Variants in SEMA6D observed in about 807,000 individuals in gnomAD.
SEMA6D encodes the protein semaphorin-6D.
SEMA6D carries 35 observed loss-of-function variants against 106.6 expected under a neutral mutation model. The observed-to-expected ratio is 0.33, with a 90% confidence interval of 0.25 to 0.44. SEMA6D has a LOEUF of 0.44. SEMA6D is among the 20% of genes least tolerant of loss of function. SEMA6D has a pLI of 1.00. For missense variants in SEMA6D, 1,185 were observed against 1,345.9 expected, an observed-to-expected ratio of 0.88 and a Z score of 1.87; for synonymous variants, 499 against 487.7, an observed-to-expected ratio of 1.02 and a Z score of -0.31.
chr15:47,324,284 A>G (rs922709877), intron 1 of SEMA6D, among the ~76,000 whole-genome samples: 1 of 152,280 alleles, frequency 6.6e-6, no homozygotes, highest in Admixed American at 6.5e-5. Context: ...CTTTTTTACA[A>G]CTATGGACCT....
chr15:47,401,782 C>T (rs1238100097), intron 1 of SEMA6D, among the ~76,000 whole-genome samples: 1 of 152,152 alleles, frequency 6.6e-6, no homozygotes, highest in Non-Finnish European at 1.5e-5. Flanking sequence ...ATCAACTGTC[C>T]CCTCTGCTTT....
At chr15:47,642,798 A>C (rs976089042) in intron 4 of SEMA6D, among the ~76,000 whole-genome samples, 7 of 152,132 alleles carry the variant, frequency 4.6e-5, no homozygotes, top group Non-Finnish European at 1.0e-4. Flanking sequence ...GGGATGATGT[A>C]TGGTTTTATC....
At chr15:47,421,703 G>A (rs1227392760) in intron 2 of SEMA6D, among the ~76,000 whole-genome samples, 6 of 151,866 alleles carry the variant, frequency 4.0e-5, no homozygotes, top group Non-Finnish European at 5.9e-5. Context: ...TTTAGATAAG[G>A]GGGGATCAGA....
At position 47,615,903 on chromosome 15, in the gene SEMA6D, A is replaced by G. The variant is rs764009148; in HGVS notation, c.-55+15007A>G. Among the ~76,000 whole-genome samples the G allele has an allele frequency of 3.8e-4, 58 of 152,368 alleles. 1 individual carries two copies. The Middle Eastern group carries it at 0.014, about 36-fold the overall frequency. ...TTTTAAATCAAAAGTATACAGTGCC[A>G]TGAATTATCCAGTTACTGAAGAGCA... On this transcript the variant is annotated intron_variant, in intron 4 of 19. Transcript: ENST00000558014.
intron 3 of SEMA6D, among the ~76,000 whole-genome samples, chr15:47,471,914 C>CTG (rs1449747256): frequency 7.6e-6 from 1 of 131,982 alleles, no homozygotes; most frequent in Non-Finnish European, 1.6e-5. Context: ...TTCTCTCTCT[C>CTG]TCTCTCTCTC....
intron 4 of SEMA6D, among the ~76,000 whole-genome samples, chr15:47,613,520 T>C (rs12908370): frequency 0.32 from 49,240 of 152,128 alleles, 8,273 homozygotes; most frequent in East Asian, 0.51. Context: ...TAGGGTGAGA[T>C]ACTAAGATGA....
At chr15:47,266,172 C>A (rs1055139257) in intron 1 of SEMA6D, among the ~76,000 whole-genome samples, 1 of 152,124 alleles carries the variant, frequency 6.6e-6, no homozygotes, top group Non-Finnish European at 1.5e-5. Flanking sequence ...TTTTGCCTAT[C>A]TCTCCAATGA....
At chr15:47,308,397 A>G (rs1369566868) in intron 1 of SEMA6D, among the ~76,000 whole-genome samples, 2 of 152,206 alleles carry the variant, frequency 1.3e-5, no homozygotes, top group African/African-American at 4.8e-5. Context: ...TATATAGTAA[A>G]CATTCAATAA....
At chr15:47,664,357 G>T (rs1042492771) in intron 4 of SEMA6D, among the ~76,000 whole-genome samples, 2 of 152,036 alleles carry the variant, frequency 1.3e-5, no homozygotes, top group East Asian at 3.9e-4. Flanking sequence ...TATTTAATGA[G>T]CTCTTACCAC....
At chr15:47,491,409 A>G (rs1200107361) in intron 3 of SEMA6D, among the ~76,000 whole-genome samples, 3 of 152,242 alleles carry the variant, frequency 2.0e-5, no homozygotes, top group South Asian at 2.1e-4. Context: ...TCAGAGGACT[A>G]CATAGTTTGA....
chr15:47,479,217 C>T (rs1370824086), intron 3 of SEMA6D, among the ~76,000 whole-genome samples: 1 of 151,520 alleles, frequency 6.6e-6, no homozygotes, highest in Non-Finnish European at 1.5e-5. Flanking sequence ...GGGTTATATG[C>T]TCCTGGGGGA....
At chr15:47,277,541 G>A (rs1374622654) in intron 1 of SEMA6D, among the ~76,000 whole-genome samples, 3 of 150,736 alleles carry the variant, frequency 2.0e-5, no homozygotes, top group Non-Finnish European at 4.4e-5. Context: ...ATGGCCATTA[G>A]CATTTTTAGA....
At chr15:47,660,716 A>T (rs989842964) in intron 4 of SEMA6D, among the ~76,000 whole-genome samples, 2 of 152,244 alleles carry the variant, frequency 1.3e-5, no homozygotes, top group South Asian at 2.1e-4. Context: ...ACTATTTTTG[A>T]TATTAGAAGT....
At chr15:47,507,122 G>A (rs959670840) in intron 3 of SEMA6D, among the ~76,000 whole-genome samples, 1 of 152,224 alleles carries the variant, frequency 6.6e-6, no homozygotes, top group Non-Finnish European at 1.5e-5. Context: ...GGATTATGGA[G>A]CTGTCAGCCT....
chr15:47,511,880 G>GACAA (rs1175677779), intron 3 of SEMA6D, among the ~76,000 whole-genome samples: 1 of 152,116 alleles, frequency 6.6e-6, no homozygotes. Flanking sequence ...TCTGAAATGT[G>GACAA]CACTGCATCG....
intron 2 of SEMA6D, among the ~76,000 whole-genome samples, chr15:47,442,056 C>A (rs1190035480): frequency 6.6e-6 from 1 of 152,088 alleles, no homozygotes; most frequent in Non-Finnish European, 1.5e-5. Context: ...TAAATTCATT[C>A]TAATTTCATT....
chr15:47,420,533 T>G (rs952838098), intron 2 of SEMA6D, among the ~76,000 whole-genome samples: 1 of 152,100 alleles, frequency 6.6e-6, no homozygotes, highest in Non-Finnish European at 1.5e-5. Context: ...TCTTCTATTT[T>G]GTGCATTCTG....
chr15:47,373,239 G>A (rs2039338521), intron 1 of SEMA6D, among the ~76,000 whole-genome samples: 1 of 152,108 alleles, frequency 6.6e-6, no homozygotes, highest in Admixed American at 6.5e-5. Context: ...CCCCCCACTT[G>A]TGCTTGTCAT....
chr15:47,520,828 GA>G (rs2044549827), intron 3 of SEMA6D, among the ~76,000 whole-genome samples: 1 of 152,208 alleles, frequency 6.6e-6, no homozygotes, highest in Non-Finnish European at 1.5e-5. Context: ...GAGGGTGCCA[GA>G]AGGAGGCTAG....
Sources: gnomAD v4.1 joint callset for allele counts (sites outside exome capture counted in the v4.1 genomes callset) on GRCh38, gnomAD v4.1.1 for gene constraint, MANE v1.5 for transcripts, NCBI Gene and HGNC (gene_info 2026-07-23, HGNC 2026-07-21) for gene names.